The following NPSR1 variants were observed in gnomAD, a reference collection of about 807,000 sequenced individuals.
NPSR1 encodes neuropeptide S receptor 1.
Under a neutral mutation model 46.9 loss-of-function variants are expected in NPSR1, and 48 were observed. The observed-to-expected ratio is 1.02, with a 90% CI of 0.81 to 1.30. NPSR1 has a LOEUF of 1.30. NPSR1 is among the 50% of genes most tolerant of loss of function. NPSR1 has a pLI of 0.00. For synonymous variants in NPSR1, 176 were observed against 168.1 expected (o/e 1.05, Z -0.36); for missense variants, 450 against 449.5 (o/e 1.00, Z -0.01).
At chr7:34,753,072 T>C (rs567130271) in intron 2 of NPSR1, among the ~76,000 whole-genome samples, 1 of 152,144 alleles carries the variant, frequency 6.6e-6, no homozygotes, top group Non-Finnish European at 1.5e-5. Flanking sequence ...TGAAACCAAA[T>C]AGTCAGCAAT....
chr7:34,872,532 G>A (rs1225729025), intron 8 of NPSR1, among the ~76,000 whole-genome samples: 1 of 151,830 alleles, frequency 6.6e-6, no homozygotes, highest in Non-Finnish European at 1.5e-5. Context: ...CTGTTTATTA[G>A]TCCATTTTCA....
At chr7:34,761,330 C>T (rs1786163444) in intron 2 of NPSR1, 1 of 152,174 alleles carries the variant, frequency 6.6e-6, no homozygotes, top group Non-Finnish European at 1.5e-5. Context: ...TCTACTATAA[C>T]TTAGTCATTG....
chr7:34,724,868 A>G (rs1784054922), intron 2 of NPSR1, among the ~76,000 whole-genome samples: 1 of 152,190 alleles, frequency 6.6e-6, no homozygotes, highest in Non-Finnish European at 1.5e-5. Flanking sequence ...GTACAAAACA[A>G]ATAGTATCAT....
intron 1 of NPSR1, chr7:34,660,143 AAAG>A (rs756434149): frequency 1.8e-5 from 8 of 456,752 alleles, no homozygotes; most frequent in South Asian, 1.2e-4. Flanking sequence ...GCCAGACACT[AAAG>A]AGAATCACAG....
At chr7:34,821,127 CTTTTTT>C (rs35086136) in intron 4 of NPSR1, among the ~76,000 whole-genome samples, 12 of 94,892 alleles carry the variant, frequency 1.3e-4, no homozygotes, top group South Asian at 3.8e-4. Context: ...TTGTGATACA[CTTTTTT>C]TTTTTTTTTT....
At chr7:34,858,886 C>A (rs1412787523) in intron 8 of NPSR1, among the ~76,000 whole-genome samples, 1 of 151,650 alleles carries the variant, frequency 6.6e-6, no homozygotes, top group African/African-American at 2.4e-5. Flanking sequence ...AGATCCAAAC[C>A]ATATCAGTGA....
chr7:34,773,889 G>T (rs775021424), intron 2 of NPSR1, among the ~76,000 whole-genome samples: 12 of 152,072 alleles, frequency 7.9e-5, no homozygotes, highest in Non-Finnish European at 1.6e-4. Flanking sequence ...TCCAATTAGT[G>T]TTAAACGCAT....
At chr7:34,812,515 C>T (rs1225229203) in intron 4 of NPSR1, among the ~76,000 whole-genome samples, 4 of 152,000 alleles carry the variant, frequency 2.6e-5, no homozygotes, top group Non-Finnish European at 5.9e-5. Context: ...TAGGAGAGGA[C>T]CCGAGGCAAC....
In NPSR1 at chr7:34,715,436, G is replaced by A. The variant is rs111642496; in HGVS notation, c.280+30752G>A. On this transcript the variant is annotated intron_variant, in intron 2 of 8. Coordinates refer to ENST00000360581, the MANE Select transcript of NPSR1 (RefSeq NM_207172.2). The stretch of plus-strand genomic sequence containing the variant: ...TGGCACCTCTACCAAGGAATTGTCA[G>A]TCAGCCCTACAGAACCTTCTGTCTG... Among the ~76,000 whole-genome samples the A allele has an allele frequency of 1.3e-3, 193 of 152,328 alleles. 3 individuals are homozygous for A. Among genetic ancestry groups the A allele is most frequent in the African/African-American group, 4.0e-3 (168 of 41,586 alleles).
chr7:34,794,522 T>C (rs1486486021), intron 3 of NPSR1, among the ~76,000 whole-genome samples: 1 of 152,142 alleles, frequency 6.6e-6, no homozygotes, highest in African/African-American at 2.4e-5. Context: ...TACTGTTAAT[T>C]GTATTAAAGG....
chr7:34,821,292 G>A (rs905575474), intron 4 of NPSR1, among the ~76,000 whole-genome samples: 4 of 151,992 alleles, frequency 2.6e-5, no homozygotes, highest in Admixed American at 1.3e-4. Context: ...GCATCACCAC[G>A]CCTAATTTTT....
chr7:34,843,168 C>A (rs1374195380), intron 6 of NPSR1, among the ~76,000 whole-genome samples: 1 of 152,150 alleles, frequency 6.6e-6, no homozygotes, highest in Non-Finnish European at 1.5e-5. Context: ...CTGTCTTAGT[C>A]CATTTTCTGC....
At chr7:34,771,875 G>A (rs539205839) in intron 2 of NPSR1, among the ~76,000 whole-genome samples, 17 of 152,240 alleles carry the variant, frequency 1.1e-4, no homozygotes, top group African/African-American at 4.1e-4. Context: ...CCTTGCCAAG[G>A]ATATAATAAC....
chr7:34,698,131 C>T (rs323910), intron 2 of NPSR1, among the ~76,000 whole-genome samples: 18,376 of 152,036 alleles, frequency 0.12, 1,187 homozygotes, highest in Middle Eastern at 0.18. Flanking sequence ...TGCTGTGATT[C>T]TTGGAATCAC....
Position 34,672,937 on chromosome 7 carries a change from T to C in NPSR1, c.148-11615T>C, listed in dbSNP as rs550168613. On this transcript the variant is annotated intron_variant, in intron 1 of 8. Coordinates refer to ENST00000360581, the MANE Select transcript of NPSR1 (RefSeq NM_207172.2). Reference sequence around the variant, plus strand: ...TCAGACCGAGCTCCAGCTTGCTCATTGTAAACCTTTCTCTGCTGTTACTAC... The same window carrying C: ...TCAGACCGAGCTCCAGCTTGCTCATCGTAAACCTTTCTCTGCTGTTACTAC... 2.0e-5 allele frequency among the ~76,000 whole-genome samples: 3 copies of C among 152,308 alleles called. No individual in the cohort carries two copies. The South Asian group carries it at 6.2e-4, about 32-fold the overall frequency.
At chr7:34,717,883 T>A (rs1412873901) in intron 2 of NPSR1, among the ~76,000 whole-genome samples, 1 of 152,170 alleles carries the variant, frequency 6.6e-6, no homozygotes, top group Non-Finnish European at 1.5e-5. Context: ...GTCAAATCGC[T>A]GCCCTTCTCT....
At chr7:34,744,231 T>C (rs1028470345) in intron 2 of NPSR1, among the ~76,000 whole-genome samples, 3 of 152,250 alleles carry the variant, frequency 2.0e-5, no homozygotes, top group Non-Finnish European at 4.4e-5. Flanking sequence ...TCTTTATCTC[T>C]AGTAATGCTT....
intron 2 of NPSR1, among the ~76,000 whole-genome samples, chr7:34,746,153 T>C (rs770731733): frequency 1.3e-5 from 2 of 152,284 alleles, no homozygotes; most frequent in Non-Finnish European, 2.9e-5. Flanking sequence ...CTTGGAAAAA[T>C]TGAGAAAATG....
chr7:34,840,001 T>C (rs1790508510), intron 6 of NPSR1, among the ~76,000 whole-genome samples: 1 of 152,196 alleles, frequency 6.6e-6, no homozygotes, highest in Non-Finnish European at 1.5e-5. Context: ...CGTCTGTCTT[T>C]GCATAATTAT....
Sources: allele counts gnomAD v4.1 joint callset (sites outside exome capture counted in the v4.1 genomes callset), GRCh38; gene constraint gnomAD v4.1.1; transcripts MANE v1.5; gene names NCBI Gene and HGNC (gene_info 2026-07-23, HGNC 2026-07-21).